The following FDPS variants were observed in gnomAD, a reference collection of about 807,000 sequenced individuals.
FDPS encodes farnesyl diphosphate synthase.
In FDPS, 29 loss-of-function variants were observed where a neutral mutation model predicts 49.5. The ratio of observed to expected loss-of-function variants is 0.59; its 90% CI spans 0.44 to 0.80. The LOEUF is 0.80. Ranked by LOEUF, FDPS falls within the 30% of genes least tolerant of loss-of-function variation. FDPS has a pLI of 0.00. For missense variants in FDPS, 414 were observed against 525.6 expected, an observed-to-expected ratio of 0.79 and a Z score of 2.08; for synonymous variants, 172 against 206.4, an observed-to-expected ratio of 0.83 and a Z score of 1.43.
At chr1:155,313,565 G>A (rs181617015) in intron 4 of FDPS, among the ~76,000 whole-genome samples, 66 of 152,284 alleles carry the variant, frequency 4.3e-4, no homozygotes, top group Middle Eastern at 3.4e-3. Flanking sequence ...TCCTGTGGGC[G>A]GTGGAAATTC....
At chr1:155,317,837 A>T (rs1649650177) in intron 4 of FDPS, 104 bp from the exon 5 acceptor site, 2 of 890,828 alleles carry the variant, frequency 2.2e-6, no homozygotes, top group African/African-American at 3.4e-5. Context: ...TCTGTCCCCT[A>T]CCAAAAAAAA....
intron 3 of FDPS, 69 bp downstream of exon 3, chr1:155,310,274 T>C: frequency 4.1e-6 from 6 of 1,475,006 alleles, no homozygotes; most frequent in Non-Finnish European, 5.6e-6. Context: ...GGCATTCACC[T>C]GTGGCTTATG....
chr1:155,310,365 C>A (rs866016417), intron 3 of FDPS, 160 bp downstream of exon 3: 5 of 631,114 alleles, frequency 7.9e-6, no homozygotes, highest in Non-Finnish European at 1.3e-5. Flanking sequence ...GGCTGGAGTG[C>A]GATGGTGTGA....
At chr1:155,315,165 G>A (rs1649193341) in intron 4 of FDPS, among the ~76,000 whole-genome samples, 1 of 152,174 alleles carries the variant, frequency 6.6e-6, no homozygotes, top group East Asian at 1.9e-4. Flanking sequence ...GCCCATGCTG[G>A]GCTCTGGCAG....
rs913296872 is a variant in FDPS at position 155,309,941 on chromosome 1, G to A, written c.152G>A (p.Cys51Tyr). 1.0e-5 allele frequency: 16 copies of A among 1,605,626 alleles called. No individual in the cohort carries two copies. The highest frequency in any genetic ancestry group is 2.7e-5 in the African/African-American group (2 of 74,790). ...GCCTGGCACAGTGCCCGCTGCTGGT[G>A]CCAAGCGTGGACAGAGGAACCTCGG... ...VLAWHSARCW[C>Y]QAWTEEPRAL... The change falls in exon 2 of 11, where the codon TGC (cysteine) becomes TAC (tyrosine). Residue 51 changes from cysteine to tyrosine, a missense_variant. Coordinates refer to ENST00000368356, the MANE Select transcript of FDPS (RefSeq NM_002004.4).
intron 10 of FDPS, 88 bp downstream of exon 10, chr1:155,320,016 G>A: frequency 1.3e-6 from 2 of 1,481,614 alleles, no homozygotes; most frequent in East Asian, 2.3e-5. Context: ...CTCCCGAGGG[G>A]ACATTTGGCA....
intron 4 of FDPS, among the ~76,000 whole-genome samples, chr1:155,315,714 A>G (rs1048295649): frequency 6.6e-6 from 1 of 151,658 alleles, no homozygotes; most frequent in Non-Finnish European, 1.5e-5. Flanking sequence ...AAACAAAAAA[A>G]AAATTAGCCA....
chr1:155,318,609 AG>A lies in FDPS; in HGVS notation c.685-53del. On this transcript the variant is annotated intron_variant, in intron 6 of 10. Coordinates refer to ENST00000368356, the MANE Select transcript of FDPS (RefSeq NM_002004.4). This position sits in a 1 kb window ranked among gnomAD's most constrained non-coding sequence, Gnocchi z 4.2. ...TATGGGATGTTGGGCTTGGGATACC[AG>A]GGTTTCGCATATCTGGAGAAAGCCT... 7.5e-7 allele frequency: 1 copy of A among 1,341,996 alleles called. No individual in the cohort carries two copies. 83.1% of individuals were successfully genotyped at this position (1,341,996 alleles called of 1,614,324 possible).
Position 155,316,495 on chromosome 1 carries a change from T to C in FDPS, c.481-1446T>C, listed in dbSNP as rs555514305. On this transcript the variant is annotated intron_variant, in intron 4 of 10. Coordinates refer to ENST00000368356, the MANE Select transcript of FDPS (RefSeq NM_002004.4). ...AACCATGTCTTGAAAAGCTATTTAATGGTCAGACACGATGGCTCACGCCTG... is the reference window on the plus strand; with the variant it reads ...AACCATGTCTTGAAAAGCTATTTAACGGTCAGACACGATGGCTCACGCCTG... Among the ~76,000 whole-genome samples the C allele has an allele frequency of 4.6e-5, 7 of 151,636 alleles. No individual in the cohort carries two copies. The South Asian group carries it at 1.5e-3, about 32-fold the overall frequency.
intron 4 of FDPS, 90 bp from the exon 5 acceptor site, chr1:155,317,851 A>G (rs1453625450): frequency 5.8e-6 from 7 of 1,202,060 alleles, no homozygotes; most frequent in Non-Finnish European, 7.1e-6. Context: ...AAAAAAAGCA[A>G]AACTATATAC....
chr1:155,317,981 C>T lies in FDPS; in HGVS notation c.521C>T (p.Ser174Leu), dbSNP rs752776897. 1 of 1,613,424 alleles carries T rather than the reference C, an allele frequency of 6.2e-7. No homozygotes were observed. The highest frequency in any genetic ancestry group is 1.1e-5 in the South Asian group (1 of 91,028). The change falls in exon 5 of 11, where the codon TCA becomes TTA. Residue 174 changes from serine to leucine, a missense_variant. By Grantham distance (145) the Ser-to-Leu change is moderately radical. Coordinates refer to ENST00000368356, the MANE Select transcript of FDPS (RefSeq NM_002004.4). ...FFLVADDIMD[S>L]SLTRRGQICW... ...CTGGTGGCAGATGACATCATGGATTCATCCCTTACCCGCCGGGGACAGATC... is the reference window on the plus strand; with the variant it reads ...CTGGTGGCAGATGACATCATGGATTTATCCCTTACCCGCCGGGGACAGATC...
Position 155,318,485 on chromosome 1 carries a change from G to A in FDPS, c.685-180G>A. 1 of 826,922 alleles carries A rather than the reference G, an allele frequency of 1.2e-6. No individual in the cohort carries two copies. Among genetic ancestry groups the A allele is most frequent in the South Asian group, 1.5e-5 (1 of 66,312 alleles). The allele number at this position is 826,922 out of a possible 1,614,324, so 51.2% of individuals were successfully genotyped here. ...GCTTCTCTGTCCTGTGTAATTGGAAGAAAGGGTGATAAAGGACTGTGTGTA... is the reference window on the plus strand; with the variant it reads ...GCTTCTCTGTCCTGTGTAATTGGAAAAAAGGGTGATAAAGGACTGTGTGTA... On this transcript the variant is annotated intron_variant, in intron 6 of 10. Transcript: ENST00000368356. This position sits in a 1 kb window ranked among gnomAD's most constrained non-coding sequence, Gnocchi z 4.2.
In FDPS at chr1:155,318,524, T is replaced by A; in HGVS notation, c.685-141T>A. 1.2e-6 allele frequency: 1 copy of A among 831,354 alleles called. No individual in the cohort carries two copies. The highest frequency in any genetic ancestry group is 2.0e-6 in the Non-Finnish European group (1 of 504,204). 51.5% of individuals were successfully genotyped at this position (831,354 alleles called of 1,614,324 possible). On this transcript the variant is annotated intron_variant, in intron 6 of 10. Coordinates refer to ENST00000368356, the MANE Select transcript of FDPS (RefSeq NM_002004.4). This position sits in a 1 kb window ranked among gnomAD's most constrained non-coding sequence, Gnocchi z 4.2. ...GGACTGTGTGTATGAATATGGGCCT[T>A]AAGTTTTGGGGCTTTCTCCCCTTCT...
chr1:155,310,127 C>T lies in FDPS; in HGVS notation c.261C>T (p.Phe87=). The T allele has an allele frequency of 6.2e-7, 1 of 1,613,990 alleles. No individual in the cohort carries two copies. Among genetic ancestry groups the T allele is most frequent in the Non-Finnish European group, 8.5e-7 (1 of 1,179,884 alleles). Residue 87 remains phenylalanine, a synonymous_variant, in exon 3 of 11, where the codon TTC becomes TTT. Transcript: ENST00000368356. ...AQEKQDFVQH[F]SQIVRVLTED... is the part of the protein sequence containing the mutation. ...AAAAGCAGGATTTCGTTCAGCACTT[C>T]TCCCAGATCGTTAGGGTGCTGACTG...
chr1:155,309,710 G>A, intron 1 of FDPS, 79 bp from the exon 2 acceptor site: 2 of 1,292,400 alleles, frequency 1.5e-6, no homozygotes. Flanking sequence ...AGTTATCTGG[G>A]GAGCTGCCAC....
At chr1:155,314,155 C>T (rs553849414) in intron 4 of FDPS, among the ~76,000 whole-genome samples, 66 of 150,932 alleles carry the variant, frequency 4.4e-4, no homozygotes, top group African/African-American at 1.6e-3. Context: ...TAGCAGCACC[C>T]TAGTTTCACC....
At chr1:155,319,185 T>C (rs1247935360) in intron 8 of FDPS, among the ~76,000 whole-genome samples, 1 of 152,186 alleles carries the variant, frequency 6.6e-6, no homozygotes, top group Admixed American at 6.5e-5. Context: ...TGAGTATGGA[T>C]AGGAGTGTGG....
intron 3 of FDPS, among the ~76,000 whole-genome samples, chr1:155,311,862 A>C (rs1283751189): frequency 6.6e-6 from 1 of 151,970 alleles, no homozygotes; most frequent in African/African-American, 2.4e-5. Flanking sequence ...AATCCCAGCT[A>C]CTCGAGAGGC....
At chr1:155,314,647 T>G (rs1482115598) in intron 4 of FDPS, among the ~76,000 whole-genome samples, 1 of 151,882 alleles carries the variant, frequency 6.6e-6, no homozygotes, top group African/African-American at 2.4e-5. Context: ...GCTTTTTAAA[T>G]AGTTTTTTGG....
Sources: gnomAD v4.1 joint callset for allele counts (sites outside exome capture counted in the v4.1 genomes callset) on GRCh38, gnomAD v4.1.1 for gene constraint, Gnocchi (gnomAD v3.1) non-coding constraint, MANE v1.5 for transcripts, NCBI Gene and HGNC (gene_info 2026-07-23, HGNC 2026-07-21) for gene names.